Variants in PCBP3 observed in about 807,000 individuals in gnomAD.
PCBP3 encodes poly(rC)-binding protein 3.
PCBP3 carries 25 observed loss-of-function variants against 52.7 expected under a neutral mutation model. The observed-to-expected ratio is 0.47, with a 90% CI of 0.35 to 0.66. The LOEUF (loss-of-function observed/expected upper bound fraction) is 0.66. Among genes scored for constraint, PCBP3 ranks in the 30% least tolerant of loss-of-function variants. PCBP3 has a pLI of 0.01. For missense variants in PCBP3, 391 were observed against 490.3 expected (o/e 0.80, Z 1.91); for synonymous variants, 162 against 183.0 (o/e 0.89, Z 0.93).
rs7276310 is a variant in PCBP3, at chr21:45,824,944, A to G, written c.-125-25017A>G. ...GCCCTCTTGTGAGTTTATGGCTTAA[A>G]GTCCAAGTACAACTTCGTTTGAAAG... On this transcript the variant is annotated intron_variant, in intron 4 of 17. Coordinates refer to ENST00000681687, the MANE Select transcript of PCBP3 (RefSeq NM_001384156.1). Among the ~76,000 whole-genome samples, 355 of 152,368 alleles carry G rather than the reference A, an allele frequency of 2.3e-3. 5 individuals carry two copies. Among genetic ancestry groups the G allele is most frequent in the African/African-American group, 7.9e-3 (330 of 41,586 alleles).
intron 2 of PCBP3, among the ~76,000 whole-genome samples, chr21:45,681,965 G>T (rs1252360614): frequency 6.6e-6 from 1 of 151,856 alleles, no homozygotes; most frequent in Non-Finnish European, 1.5e-5. Context: ...AAGAACAAAG[G>T]CTCAGAAATC....
chr21:45,935,165 C>A, intron 15 of PCBP3, 88 bp from the exon 16 acceptor site: 1 of 907,264 alleles, frequency 1.1e-6, no homozygotes, highest in Non-Finnish European at 1.8e-6. Flanking sequence ...CCCTGTCTCA[C>A]TTGACCCAGG....
At chr21:45,849,096 T>G (rs1212140774) in intron 4 of PCBP3, among the ~76,000 whole-genome samples, 3 of 152,370 alleles carry the variant, frequency 2.0e-5, no homozygotes, top group Non-Finnish European at 4.4e-5. Context: ...GGATTAAATC[T>G]GTGTCTTCTT....
intron 12 of PCBP3, chr21:45,916,271 A>C (rs1312901288): frequency 6.6e-6 from 1 of 152,314 alleles, no homozygotes; most frequent in Admixed American, 6.5e-5. Context: ...AGGGCCCCTC[A>C]CCTTCGGTGA....
At position 45,656,318 on chromosome 21, in the gene PCBP3, A is replaced by G. The variant is rs1450848917; in HGVS notation, c.-279+12450A>G. Among the ~76,000 whole-genome samples the G allele has an allele frequency of 1.3e-5, 2 of 152,214 alleles. No homozygotes were observed. The highest frequency in any genetic ancestry group is 4.8e-5 in the African/African-American group (2 of 41,452). On this transcript the variant is annotated intron_variant, in intron 1 of 17. Coordinates refer to ENST00000681687, the MANE Select transcript of PCBP3 (RefSeq NM_001384156.1). The surrounding 1 kb of genome is among the most constrained non-coding windows in gnomAD (Gnocchi z 4.3). Reference sequence around the variant, plus strand: ...CCATGGAATACTATGCAGCCATAAAAAAGGATGAGTTCATATCCTTTGCAG... The same window carrying G: ...CCATGGAATACTATGCAGCCATAAAGAAGGATGAGTTCATATCCTTTGCAG...
intron 5 of PCBP3, among the ~76,000 whole-genome samples, chr21:45,881,473 G>A (rs949176550): frequency 2.0e-5 from 3 of 152,146 alleles, no homozygotes; most frequent in Non-Finnish European, 4.4e-5. Context: ...TCAACATTTT[G>A]TAGAGATGGG....
At chr21:45,871,806 G>A (rs1345002810) in intron 5 of PCBP3, 2 of 152,262 alleles carry the variant, frequency 1.3e-5, no homozygotes, top group East Asian at 3.8e-4. Context: ...GTTCCATGGA[G>A]GGAAGGTGGC....
intron 17 of PCBP3, among the ~76,000 whole-genome samples, chr21:45,941,021 C>G (rs1303682877): frequency 6.6e-6 from 1 of 152,220 alleles, no homozygotes; most frequent in African/African-American, 2.4e-5. Flanking sequence ...TGACCCTTCT[C>G]TTACCTGCAC....
chr21:45,864,978 C>T (rs9637208), intron 5 of PCBP3, among the ~76,000 whole-genome samples: 21,401 of 152,202 alleles, frequency 0.14, 1,681 homozygotes, highest in Middle Eastern at 0.28. Context: ...ACCCAGTTCC[C>T]ACCAACTACA....
intron 4 of PCBP3, among the ~76,000 whole-genome samples, chr21:45,766,449 C>T (rs984531321): frequency 6.6e-6 from 1 of 152,192 alleles, no homozygotes; most frequent in Non-Finnish European, 1.5e-5. Context: ...TCTCTCTGCA[C>T]CCATGTGAGG....
chr21:45,832,175 T>C (rs1180415107), intron 4 of PCBP3, among the ~76,000 whole-genome samples: 2 of 152,212 alleles, frequency 1.3e-5, no homozygotes, highest in East Asian at 3.8e-4. Flanking sequence ...TTCCTGGAGC[T>C]GAGGGGATTT....
At chr21:45,658,565 A>G (rs2080174440) in intron 1 of PCBP3, among the ~76,000 whole-genome samples, 1 of 152,200 alleles carries the variant, frequency 6.6e-6, no homozygotes, top group African/African-American at 2.4e-5. Context: ...TGGCATCCCA[A>G]AATGCTGGGA....
intron 5 of PCBP3, among the ~76,000 whole-genome samples, chr21:45,870,164 T>A (rs1056243038): frequency 6.6e-6 from 1 of 152,228 alleles, no homozygotes; most frequent in Non-Finnish European, 1.5e-5. Context: ...TTTAAAGTTT[T>A]ACTCAACATT....
intron 3 of PCBP3, among the ~76,000 whole-genome samples, chr21:45,752,242 T>C (rs2087584235): frequency 6.6e-6 from 1 of 152,132 alleles, no homozygotes; most frequent in Non-Finnish European, 1.5e-5. Context: ...TGTAGTTTAA[T>C]TTTTTATTAG....
At chr21:45,763,485 TCTC>T (rs2088934606) in intron 4 of PCBP3, 1 of 152,140 alleles carries the variant, frequency 6.6e-6, no homozygotes. Context: ...CTCACTCTCT[TCTC>T]CTAAACTCGG....
intron 5 of PCBP3, among the ~76,000 whole-genome samples, chr21:45,892,296 G>A (rs552494798): frequency 6.6e-6 from 1 of 152,342 alleles, no homozygotes; most frequent in African/African-American, 2.4e-5. Flanking sequence ...GGACAAAGGG[G>A]AAGTTCCTCT....
chr21:45,906,547 G>A (rs13049610), intron 9 of PCBP3, among the ~76,000 whole-genome samples: 3,851 of 152,216 alleles, frequency 0.025, 60 homozygotes, highest in Non-Finnish European at 0.04. Context: ...TCATGTTTTG[G>A]TGGAACCTCT....
chr21:45,771,781 A>G (rs2089888388), intron 4 of PCBP3, among the ~76,000 whole-genome samples: 1 of 152,186 alleles, frequency 6.6e-6, no homozygotes, highest in African/African-American at 2.4e-5. Context: ...AGAAAGAGGC[A>G]TTGGAATTGA....
chr21:45,897,417 G>A (rs369751125), intron 6 of PCBP3, among the ~76,000 whole-genome samples: 28 of 152,304 alleles, frequency 1.8e-4, no homozygotes, highest in East Asian at 1.3e-3. Flanking sequence ...TCTCCTGGCC[G>A]TTGGCAGGAA....
Sources: allele counts gnomAD v4.1 joint callset (sites outside exome capture counted in the v4.1 genomes callset), GRCh38; gene constraint gnomAD v4.1.1; non-coding constraint Gnocchi (gnomAD v3.1); transcripts MANE v1.5; gene names NCBI Gene and HGNC (gene_info 2026-07-23, HGNC 2026-07-21).